The following ZNF804A variants were observed in gnomAD, a reference collection of about 807,000 sequenced individuals.
ZNF804A encodes zinc finger protein 804A.
In ZNF804A, 2 loss-of-function variants were observed where a neutral mutation model predicts 16.5. The observed-to-expected ratio is 0.12, with a 90% CI of 0.05 to 0.38. The LOEUF is 0.38. Among genes scored for constraint, ZNF804A ranks in the 10% least tolerant of loss-of-function variants. The probability of loss-of-function intolerance (pLI) is 0.99; values close to 1 mark genes in which losing one functional copy is unlikely to be tolerated. For synonymous variants in ZNF804A, 534 were observed against 489.6 expected, an observed-to-expected ratio of 1.09 and a Z score of -1.20; for missense variants, 1,473 against 1,390.7, an observed-to-expected ratio of 1.06 and a Z score of -0.94.
At chr2:184,779,392 T>A (rs754894849) in intron 1 of ZNF804A, among the ~76,000 whole-genome samples, 2 of 151,824 alleles carry the variant, frequency 1.3e-5, no homozygotes, top group Non-Finnish European at 2.9e-5. Flanking sequence ...CTTATAATTC[T>A]TCTACAAATA....
intron 1 of ZNF804A, among the ~76,000 whole-genome samples, chr2:184,640,448 A>G (rs1486696387): frequency 6.6e-6 from 1 of 152,158 alleles, no homozygotes; most frequent in Non-Finnish European, 1.5e-5. Flanking sequence ...TCAATACTAT[A>G]TAATTTATTT....
intron 1 of ZNF804A, among the ~76,000 whole-genome samples, chr2:184,775,120 G>T (rs1228484651): frequency 1.3e-5 from 2 of 151,682 alleles, no homozygotes; most frequent in Non-Finnish European, 3.0e-5. Flanking sequence ...TAATGTAAAT[G>T]TGTAATTATG....
intron 1 of ZNF804A, among the ~76,000 whole-genome samples, chr2:184,640,214 C>T (rs891605053): frequency 7.0e-5 from 10 of 143,614 alleles, no homozygotes; most frequent in Non-Finnish European, 1.5e-4. Flanking sequence ...GGGAAAAGAA[C>T]GAGGAAGAAG....
intron 1 of ZNF804A, among the ~76,000 whole-genome samples, chr2:184,676,907 G>T (rs1392565109): frequency 1.3e-5 from 2 of 151,414 alleles, no homozygotes; most frequent in South Asian, 2.1e-4. Flanking sequence ...AATGTAAATA[G>T]GTTCAACATA....
intron 2 of ZNF804A, among the ~76,000 whole-genome samples, chr2:184,894,101 GT>G (rs928412617): frequency 3.3e-5 from 5 of 152,176 alleles, no homozygotes; most frequent in South Asian, 2.1e-4. Flanking sequence ...AGAAGATCAT[GT>G]TTTGATATTA....
intron 1 of ZNF804A, among the ~76,000 whole-genome samples, chr2:184,672,737 C>CT (rs915343645): frequency 1.3e-4 from 19 of 149,352 alleles, no homozygotes; most frequent in South Asian, 2.1e-4. Flanking sequence ...ATAACTATTT[C>CT]TTTTTTTTTC....
At chr2:184,741,069 A>G (rs950499019) in intron 1 of ZNF804A, among the ~76,000 whole-genome samples, 11 of 152,174 alleles carry the variant, frequency 7.2e-5, no homozygotes, top group African/African-American at 2.4e-4. Context: ...TTTGACACCA[A>G]TTGTAAGTTC....
At chr2:184,669,127 A>G (rs1016671584) in intron 1 of ZNF804A, among the ~76,000 whole-genome samples, 1 of 152,014 alleles carries the variant, frequency 6.6e-6, no homozygotes, top group Non-Finnish European at 1.5e-5. Context: ...TGGTATTATG[A>G]GACAGAAAAT....
intron 1 of ZNF804A, among the ~76,000 whole-genome samples, chr2:184,775,845 A>T (rs1694277440): frequency 1.3e-5 from 2 of 151,620 alleles, no homozygotes; most frequent in African/African-American, 4.8e-5. Context: ...AGATGTTTGG[A>T]TATGAGGGTA....
intron 1 of ZNF804A, among the ~76,000 whole-genome samples, chr2:184,658,738 A>G (rs1309689257): frequency 1.3e-5 from 2 of 152,184 alleles, no homozygotes; most frequent in African/African-American, 4.8e-5. Flanking sequence ...CTCTTCAAGT[A>G]TCAGAACATA....
At chr2:184,617,763 C>G (rs1426385441) in intron 1 of ZNF804A, among the ~76,000 whole-genome samples, 1 of 151,484 alleles carries the variant, frequency 6.6e-6, no homozygotes, top group Non-Finnish European at 1.5e-5. Flanking sequence ...TTAATCTTCT[C>G]TAAATCATAT....
In ZNF804A at chr2:184,895,045, T is replaced by C. The variant is rs569180918; in HGVS notation, c.255+28533T>C. Among the ~76,000 whole-genome samples, 4 of 152,288 alleles carry C rather than the reference T, an allele frequency of 2.6e-5. No homozygotes were observed. In the South Asian group the frequency reaches 6.2e-4, roughly 24 times the overall value. ...TCCTTTGCCTTCAAATGAAGTACTT[T>C]ACATCAGGTGCTTCAATGGCACATT... On this transcript the variant is annotated intron_variant, in intron 2 of 3. Transcript: ENST00000302277.
intron 1 of ZNF804A, among the ~76,000 whole-genome samples, chr2:184,754,619 A>T (rs1001584685): frequency 6.6e-6 from 1 of 151,926 alleles, no homozygotes; most frequent in African/African-American, 2.4e-5. Context: ...ATTGAAACAC[A>T]TCAAAATAAA....
At chr2:184,805,445 G>A (rs192509809) in intron 1 of ZNF804A, among the ~76,000 whole-genome samples, 16 of 152,168 alleles carry the variant, frequency 1.1e-4, no homozygotes, top group Admixed American at 6.5e-4. Flanking sequence ...TTAAATGAAT[G>A]TTACTGAATG....
At chr2:184,920,836 T>C (rs918240961) in intron 2 of ZNF804A, among the ~76,000 whole-genome samples, 2 of 152,110 alleles carry the variant, frequency 1.3e-5, no homozygotes, top group African/African-American at 4.8e-5. Flanking sequence ...ATTCCACCAA[T>C]AGCATTAGAA....
intron 1 of ZNF804A, among the ~76,000 whole-genome samples, chr2:184,857,686 C>A (rs1695723242): frequency 1.3e-5 from 2 of 152,028 alleles, no homozygotes; most frequent in African/African-American, 2.4e-5. Flanking sequence ...TTGTTATAGC[C>A]TCTACTAAGT....
At chr2:184,926,108 C>T (rs148516879) in intron 2 of ZNF804A, among the ~76,000 whole-genome samples, 3 of 152,106 alleles carry the variant, frequency 2.0e-5, no homozygotes, top group South Asian at 4.1e-4. Flanking sequence ...ATTGTATCTT[C>T]AGATGATTTC....
intron 2 of ZNF804A, among the ~76,000 whole-genome samples, chr2:184,919,600 T>C (rs1466991516): frequency 6.6e-6 from 1 of 152,166 alleles, no homozygotes; most frequent in African/African-American, 2.4e-5. Context: ...TTCACAGAAG[T>C]CTATCCACAT....
At chr2:184,858,389 A>T (rs1695738768) in intron 1 of ZNF804A, among the ~76,000 whole-genome samples, 1 of 151,738 alleles carries the variant, frequency 6.6e-6, no homozygotes. Flanking sequence ...CTGTAATTCC[A>T]GGCACTCGGG....
Sources: allele counts gnomAD v4.1 joint callset (sites outside exome capture counted in the v4.1 genomes callset), GRCh38; gene constraint gnomAD v4.1.1; transcripts MANE v1.5; gene names NCBI Gene and HGNC (gene_info 2026-07-23, HGNC 2026-07-21).